PCDHGB2: variants seen among roughly 807,000 people sequenced by gnomAD.
PCDHGB2 encodes protocadherin gamma-B2.
In PCDHGB2, 55 loss-of-function variants were observed where a neutral mutation model predicts 59.3. That is an observed-to-expected ratio of 0.93 (90% CI 0.75 to 1.16). The LOEUF (loss-of-function observed/expected upper bound fraction) is 1.16, where lower values mean the gene tolerates loss of function less well. PCDHGB2 is among the 50% of genes most tolerant of loss of function. PCDHGB2 has a pLI of 0.00. For synonymous variants in PCDHGB2, 516 were observed against 512.0 expected (o/e 1.01, Z -0.11); for missense variants, 1,228 against 1,198.5 (o/e 1.02, Z -0.36).
chr5:141,430,795 G>T (rs918154748), intron 1 of PCDHGB2: 7 of 1,522,458 alleles, frequency 4.6e-6, no homozygotes, highest in Non-Finnish European at 6.2e-6. Flanking sequence ...ACTACAAAGG[G>T]CTTGTCCTGC....
chr5:141,422,150 T>A (rs773805631), intron 1 of PCDHGB2: 1 of 1,577,174 alleles, frequency 6.3e-7, no homozygotes, highest in Non-Finnish European at 8.6e-7. Context: ...CGGGGGTCTC[T>A]GGATTTTGAA....
chr5:141,371,207 G>A, intron 1 of PCDHGB2: 1 of 1,613,764 alleles, frequency 6.2e-7, no homozygotes, highest in African/African-American at 1.3e-5. Context: ...ACATGGATGA[G>A]GGCATCAATG....
chr5:141,428,120 C>G (rs756805763), intron 1 of PCDHGB2: 2 of 1,606,528 alleles, frequency 1.2e-6, no homozygotes, highest in South Asian at 1.1e-5. Context: ...CCATCGAGCC[C>G]GGGCTTTTCA....
chr5:141,441,762 C>A (rs3805697), intron 1 of PCDHGB2: 10 of 374,012 alleles, frequency 2.7e-5, no homozygotes, highest in Non-Finnish European at 2.2e-5. Flanking sequence ...CGTGAGCCTG[C>A]GCGTGTTGGT....
At chr5:141,463,518 G>C (rs537466389) in intron 1 of PCDHGB2, among the ~76,000 whole-genome samples, 1 of 139,068 alleles carries the variant, frequency 7.2e-6, no homozygotes, top group African/African-American at 2.8e-5. Context: ...GCGTGATCTC[G>C]GCTTACTAGA....
chr5:141,389,607 A>G, intron 1 of PCDHGB2: 1 of 1,613,070 alleles, frequency 6.2e-7, no homozygotes, highest in Non-Finnish European at 8.5e-7. Context: ...GCTCTTCGAT[A>G]TGGTGCCGCA....
intron 1 of PCDHGB2, chr5:141,396,761 A>G (rs2093430785): frequency 6.6e-6 from 1 of 152,352 alleles, no homozygotes; most frequent in African/African-American, 2.4e-5. Context: ...GACCCAATAA[A>G]TGTTTGTTAT....
At chr5:141,478,283 T>C (rs755297808) in intron 1 of PCDHGB2, 2 of 1,614,148 alleles carry the variant, frequency 1.2e-6, no homozygotes, top group South Asian at 2.2e-5. Context: ...GTGGAAGCAG[T>C]CTAGAGACCT....
intron 1 of PCDHGB2, among the ~76,000 whole-genome samples, chr5:141,430,226 T>C (rs1331325242): frequency 6.9e-6 from 1 of 144,216 alleles, no homozygotes; most frequent in Admixed American, 7.0e-5. Context: ...ATATGATTTG[T>C]CAAAAAGAGA....
rs777288812 is a variant in PCDHGB2 at position 141,487,236 on chromosome 5, G to A, written c.2422-7571G>A. The A allele has an allele frequency of 1.7e-5, 28 of 1,613,962 alleles. No homozygotes were observed. The highest frequency in any genetic ancestry group is 1.4e-4 in the South Asian group (13 of 91,070). On this transcript the variant is annotated intron_variant, in intron 1 of 3. Coordinates refer to ENST00000522605, the MANE Select transcript of PCDHGB2 (RefSeq NM_018923.3). This position sits in a 1 kb window ranked among gnomAD's most constrained non-coding sequence, Gnocchi z 5.0. ...TCAGCTCCAAGGGAAGGAGAATCTC[G>A]TCTAACCCTCTACTTGGCTGTGTCC... is the stretch of plus-strand genomic sequence containing the variant.
intron 1 of PCDHGB2, chr5:141,376,339 C>G: frequency 6.2e-7 from 1 of 1,614,192 alleles, no homozygotes; most frequent in Non-Finnish European, 8.5e-7. Flanking sequence ...TCCTGCAGAC[C>G]TATTCCCACG....
intron 1 of PCDHGB2, among the ~76,000 whole-genome samples, chr5:141,387,411 G>A (rs2090933954): frequency 1.3e-5 from 2 of 152,196 alleles, no homozygotes; most frequent in Admixed American, 6.5e-5. Flanking sequence ...ATTGGGGAAA[G>A]CTTATGTCAA....
At chr5:141,410,600 C>T in intron 1 of PCDHGB2, 1 of 1,608,048 alleles carries the variant, frequency 6.2e-7, no homozygotes, top group Non-Finnish European at 8.5e-7. Flanking sequence ...TTTGACTTCA[C>T]ATCCTGAGAC....
At position 141,491,809 on chromosome 5, in the gene PCDHGB2, C is replaced by A. The variant is rs1421763758; in HGVS notation, c.2422-2998C>A. The A allele has an allele frequency of 6.7e-7, 1 of 1,487,044 alleles. No homozygotes were observed. The highest frequency in any genetic ancestry group is 1.4e-5 in the South Asian group (1 of 72,986). The allele number at this position is 1,487,044 out of a possible 1,614,324, so 92.1% of individuals were successfully genotyped here. On this transcript the variant is annotated intron_variant, in intron 1 of 3. Coordinates refer to ENST00000522605, the MANE Select transcript of PCDHGB2 (RefSeq NM_018923.3). This position sits in a 1 kb window ranked among gnomAD's most constrained non-coding sequence, Gnocchi z 6.9. Reference sequence around the variant, plus strand: ...TCCACTCCTCTCCGGCCGGCTTGGTCGCTGGCTGCGCTCCACCCGATTCTC... The same window carrying A: ...TCCACTCCTCTCCGGCCGGCTTGGTAGCTGGCTGCGCTCCACCCGATTCTC...
chr5:141,442,164 C>A, intron 1 of PCDHGB2: 1 of 156,542 alleles, frequency 6.4e-6, no homozygotes, highest in Non-Finnish European at 1.4e-5. Context: ...GATCACTCTG[C>A]AAAGCTACAG....
chr5:141,494,926 G>T, intron 2 of PCDHGB2, 61 bp downstream of exon 2: 1 of 1,613,498 alleles, frequency 6.2e-7, no homozygotes, highest in Non-Finnish European at 8.5e-7. Flanking sequence ...GGATGACGTG[G>T]GAGGAGATGG....
intron 1 of PCDHGB2, among the ~76,000 whole-genome samples, chr5:141,438,596 A>G (rs1303292978): frequency 2.8e-5 from 1 of 35,176 alleles, no homozygotes; most frequent in Non-Finnish European, 6.2e-5. Context: ...ACATACATAT[A>G]TATATATATA....
intron 1 of PCDHGB2, chr5:141,391,220 T>C (rs1189350408): frequency 6.6e-6 from 1 of 152,208 alleles, no homozygotes; most frequent in South Asian, 2.1e-4. Context: ...GAACATTATA[T>C]GAGCCTTTTG....
intron 1 of PCDHGB2, chr5:141,413,956 G>A (rs2095696052): frequency 2.5e-6 from 4 of 1,613,366 alleles, no homozygotes; most frequent in African/African-American, 2.7e-5. Flanking sequence ...GAATTTGCCT[G>A]TGGGCACTCA....
Sources: allele counts gnomAD v4.1 joint callset (sites outside exome capture counted in the v4.1 genomes callset), GRCh38; gene constraint gnomAD v4.1.1; non-coding constraint Gnocchi (gnomAD v3.1); transcripts MANE v1.5; gene names NCBI Gene and HGNC (gene_info 2026-07-23, HGNC 2026-07-21).